COL10A1: variants seen among roughly 807,000 people sequenced by gnomAD.
COL10A1 encodes collagen alpha-1(X) chain.
Under a neutral mutation model 18.2 loss-of-function variants are expected in COL10A1, and 10 were observed. The observed-to-expected ratio is 0.55, with a 90% CI of 0.34 to 0.93. COL10A1 has a LOEUF of 0.93. Ranked by LOEUF, COL10A1 falls within the 40% of genes least tolerant of loss-of-function variation. The pLI, the probability that COL10A1 is intolerant of heterozygous loss-of-function variation, is 0.02. For missense variants in COL10A1, 897 were observed against 853.5 expected (o/e 1.05, Z -0.64); for synonymous variants, 330 against 316.6 (o/e 1.04, Z -0.45).
chr6:116,162,313 G>T (rs1024367884), upstream of COL10A1, among the ~76,000 whole-genome samples: 2 of 152,140 alleles, frequency 1.3e-5, no homozygotes, highest in African/African-American at 4.8e-5. Context: ...CCATTACTAT[G>T]TTGAATAGGA....
At chr6:116,149,178 G>GAATTTGAATTT (rs1779971495) in intron 1 of COL10A1, among the ~76,000 whole-genome samples, 1 of 152,060 alleles carries the variant, frequency 6.6e-6, no homozygotes, top group Admixed American at 6.5e-5. Flanking sequence ...TTATACATTT[G>GAATTTGAATTT]GTACAGAATT....
chr6:116,180,676 A>G, the COL10A1 span, among the ~76,000 whole-genome samples: 1 of 152,126 alleles, frequency 6.6e-6, no homozygotes, highest in Non-Finnish European at 1.5e-5. Context: ...TTACCAGTTC[A>G]TAGGAACTAG....
At chr6:116,193,405 G>A in the COL10A1 span, among the ~76,000 whole-genome samples, 526 of 152,178 alleles carry the variant, frequency 3.5e-3, 2 homozygotes, top group African/African-American at 0.012. Flanking sequence ...GAACACTGAC[G>A]TTTGAAAAAT....
upstream of COL10A1, among the ~76,000 whole-genome samples, chr6:116,161,222 G>A (rs1403621662): frequency 6.7e-6 from 1 of 149,366 alleles, no homozygotes; most frequent in Non-Finnish European, 1.5e-5. Flanking sequence ...GGATAGCATT[G>A]GGAGATATAC....
At chr6:116,185,775 C>G in the COL10A1 span, among the ~76,000 whole-genome samples, 6 of 152,028 alleles carry the variant, frequency 3.9e-5, no homozygotes, top group East Asian at 1.2e-3. Context: ...TCAGGTGAGT[C>G]TCTGGAAGAC....
intron 1 of COL10A1, among the ~76,000 whole-genome samples, chr6:116,152,399 C>G (rs1395471769): frequency 6.6e-6 from 1 of 151,752 alleles, no homozygotes; most frequent in Non-Finnish European, 1.5e-5. Context: ...CCTCTTGTTT[C>G]AAAAATAAGA....
intron 1 of COL10A1, among the ~76,000 whole-genome samples, chr6:116,147,513 A>G (rs760437535): frequency 6.6e-6 from 1 of 152,172 alleles, no homozygotes; most frequent in Non-Finnish European, 1.5e-5. Context: ...TAATGGAGCT[A>G]TAGTCCTAAT....
chr6:116,155,232 G>C (rs753480541), intron 1 of COL10A1, among the ~76,000 whole-genome samples: 1 of 152,152 alleles, frequency 6.6e-6, no homozygotes, highest in African/African-American at 2.4e-5. Context: ...GACAACTGTC[G>C]TGATGGTTAC....
chr6:116,158,068 C>T (rs749548742), intron 1 of COL10A1, among the ~76,000 whole-genome samples: 1 of 152,174 alleles, frequency 6.6e-6, no homozygotes, highest in Non-Finnish European at 1.5e-5. Flanking sequence ...AGCTTCAGCT[C>T]TCAAAAAGTC....
chr6:116,165,098 GAAAAA>G, the COL10A1 span, among the ~76,000 whole-genome samples: 6 of 101,072 alleles, frequency 5.9e-5, no homozygotes, highest in African/African-American at 1.6e-4. Flanking sequence ...CTCCGTCTCA[GAAAAA>G]AAAAAAAAAA....
intron 1 of COL10A1, among the ~76,000 whole-genome samples, chr6:116,144,787 T>A (rs1436285940): frequency 6.6e-6 from 1 of 152,112 alleles, no homozygotes; most frequent in Non-Finnish European, 1.5e-5. Context: ...ATGGTATTTG[T>A]CCCTGACAAC....
chr6:116,162,256 G>A (rs1780353278), upstream of COL10A1, among the ~76,000 whole-genome samples: 1 of 152,062 alleles, frequency 6.6e-6, no homozygotes. Flanking sequence ...TTCCGATTTG[G>A]ATGCCTTTAA....
At chr6:116,128,553 G>C (rs562249261), upstream of COL10A1, among the ~76,000 whole-genome samples, 190 of 152,130 alleles carry the variant, frequency 1.2e-3, 1 homozygote, top group Non-Finnish European at 1.9e-3. Flanking sequence ...TATTAAGCTT[G>C]CCTATTCATT....
the COL10A1 span, among the ~76,000 whole-genome samples, chr6:116,192,602 A>G: frequency 1.3e-5 from 2 of 152,234 alleles, no homozygotes; most frequent in East Asian, 1.9e-4. Flanking sequence ...CAAATCTTAA[A>G]GTACATTAAG....
At chr6:116,148,816 A>C (rs1176775554) in intron 1 of COL10A1, among the ~76,000 whole-genome samples, 1 of 152,174 alleles carries the variant, frequency 6.6e-6, no homozygotes, top group Non-Finnish European at 1.5e-5. Flanking sequence ...GTTACAGGTA[A>C]GTCATTTCTA....
chr6:116,144,769 G>A (rs112689811), intron 1 of COL10A1, among the ~76,000 whole-genome samples: 36 of 152,294 alleles, frequency 2.4e-4, no homozygotes, highest in African/African-American at 8.7e-4. Flanking sequence ...ACCAGGAGTG[G>A]TGAGCCAATG....
the COL10A1 span, among the ~76,000 whole-genome samples, chr6:116,182,977 CTG>C: frequency 6.6e-6 from 1 of 151,972 alleles, no homozygotes; most frequent in Non-Finnish European, 1.5e-5. Flanking sequence ...GGTTTTTCCA[CTG>C]TGCTTTTCTA....
the COL10A1 span, among the ~76,000 whole-genome samples, chr6:116,182,984 T>C: frequency 6.6e-6 from 1 of 152,068 alleles, no homozygotes; most frequent in Non-Finnish European, 1.5e-5. Context: ...CCACTGTGCT[T>C]TTCTAGAATT....
At chr6:116,187,327 A>C in the COL10A1 span, among the ~76,000 whole-genome samples, 1 of 152,046 alleles carries the variant, frequency 6.6e-6, no homozygotes, top group Non-Finnish European at 1.5e-5. Context: ...TCCAACCAAA[A>C]TTTTAACAAG....
Sources: allele counts gnomAD v4.1 joint callset (sites outside exome capture counted in the v4.1 genomes callset), GRCh38; gene constraint gnomAD v4.1.1; transcripts MANE v1.5; gene names NCBI Gene and HGNC (gene_info 2026-07-23, HGNC 2026-07-21).